The following CDH18 variants were observed in gnomAD, a reference collection of about 807,000 sequenced individuals.
CDH18 encodes the protein cadherin-18.
Under a neutral mutation model 67.9 loss-of-function variants are expected in CDH18, and 31 were observed. The observed-to-expected ratio is 0.46, with a 90% CI of 0.34 to 0.62. CDH18 has a LOEUF of 0.62. CDH18 is among the 20% of genes least tolerant of loss of function. CDH18 has a pLI of 0.01. For missense variants in CDH18, 890 were observed against 975.5 expected, an observed-to-expected ratio of 0.91 and a Z score of 1.17; for synonymous variants, 362 against 347.2, an observed-to-expected ratio of 1.04 and a Z score of -0.48.
chr5:19,638,771 T>G (rs1463907344), intron 5 of CDH18, among the ~76,000 whole-genome samples: 1 of 151,882 alleles, frequency 6.6e-6, no homozygotes, highest in Non-Finnish European at 1.5e-5. Context: ...ACTAATTATA[T>G]TAAAAGGATA....
At chr5:19,975,871 T>C (rs1798447967) in intron 2 of CDH18, among the ~76,000 whole-genome samples, 1 of 142,386 alleles carries the variant, frequency 7.0e-6, no homozygotes, top group African/African-American at 2.4e-5. Context: ...AGGATGCTAA[T>C]ACCAAATTTA....
intron 2 of CDH18, among the ~76,000 whole-genome samples, chr5:20,160,898 T>C (rs1366534426): frequency 6.6e-6 from 1 of 152,354 alleles, no homozygotes; most frequent in East Asian, 1.9e-4. Context: ...TGTTCGTATT[T>C]TTAAATGGTT....
chr5:20,216,017 T>C (rs140590791), intron 2 of CDH18, among the ~76,000 whole-genome samples: 3 of 152,050 alleles, frequency 2.0e-5, no homozygotes, highest in African/African-American at 7.2e-5. Flanking sequence ...GAAAGATAAC[T>C]AATGGGTAAT....
At chr5:19,632,479 C>T (rs1287538264) in intron 5 of CDH18, among the ~76,000 whole-genome samples, 6 of 152,242 alleles carry the variant, frequency 3.9e-5, no homozygotes, top group South Asian at 2.1e-4. Context: ...TAATTCTTTC[C>T]GGGTTTCTTC....
At chr5:20,567,364 C>T (rs1758575003) in intron 1 of CDH18, among the ~76,000 whole-genome samples, 1 of 152,086 alleles carries the variant, frequency 6.6e-6, no homozygotes, top group Non-Finnish European at 1.5e-5. Flanking sequence ...AAACAAATGA[C>T]TTTGAAATAT....
chr5:19,789,105 AATG>A (rs1287938670), intron 3 of CDH18, among the ~76,000 whole-genome samples: 1 of 152,116 alleles, frequency 6.6e-6, no homozygotes, highest in Non-Finnish European at 1.5e-5. Flanking sequence ...GTAAAGTTGA[AATG>A]ATGATTGTTC....
chr5:20,054,076 C>T (rs1052321863), intron 2 of CDH18, among the ~76,000 whole-genome samples: 1 of 152,088 alleles, frequency 6.6e-6, no homozygotes, highest in African/African-American at 2.4e-5. Context: ...GTATTAGGGG[C>T]TGTTTTTCTA....
intron 1 of CDH18, among the ~76,000 whole-genome samples, chr5:20,367,697 G>C (rs1471761064): frequency 6.6e-6 from 1 of 152,220 alleles, no homozygotes; most frequent in African/African-American, 2.4e-5. Flanking sequence ...ACAAGAACAT[G>C]TGGTAAATTT....
At chr5:20,403,699 A>G (rs561322773) in intron 1 of CDH18, among the ~76,000 whole-genome samples, 1 of 152,350 alleles carries the variant, frequency 6.6e-6, no homozygotes, top group East Asian at 1.9e-4. Flanking sequence ...TTCCATTTAT[A>G]GAACACAGGC....
chr5:20,308,523 A>T (rs1047013722), intron 1 of CDH18, among the ~76,000 whole-genome samples: 3 of 149,870 alleles, frequency 2.0e-5, no homozygotes, highest in Non-Finnish European at 4.4e-5. Context: ...AGCCTGGCCA[A>T]CAGGGCGAGA....
At chr5:20,403,255 G>A (rs1178377872) in intron 1 of CDH18, among the ~76,000 whole-genome samples, 1 of 152,116 alleles carries the variant, frequency 6.6e-6, no homozygotes, top group Non-Finnish European at 1.5e-5. Flanking sequence ...CACTATCTTT[G>A]GTAGCTATAG....
chr5:19,961,127 G>T (rs187904741), intron 2 of CDH18, among the ~76,000 whole-genome samples: 3 of 142,092 alleles, frequency 2.1e-5, no homozygotes, highest in African/African-American at 7.8e-5. Context: ...TTTTGAGATG[G>T]AGTCTCATTC....
intron 7 of CDH18, among the ~76,000 whole-genome samples, chr5:19,579,314 T>C (rs906326099): frequency 6.6e-6 from 1 of 152,002 alleles, no homozygotes; most frequent in African/African-American, 2.4e-5. Context: ...GTTCCTTCTT[T>C]TTATGATTTC....
intron 1 of CDH18, among the ~76,000 whole-genome samples, chr5:20,428,430 A>G (rs951500397): frequency 1.3e-5 from 2 of 152,196 alleles, no homozygotes; most frequent in Non-Finnish European, 1.5e-5. Context: ...TTTATAGTAG[A>G]ATGATTTATA....
chr5:20,018,932 C>T (rs908434521), intron 2 of CDH18, among the ~76,000 whole-genome samples: 1 of 150,026 alleles, frequency 6.7e-6, no homozygotes, highest in Admixed American at 6.6e-5. Flanking sequence ...GTAGCTGGGA[C>T]TACAGGCGCG....
chr5:20,332,748 T>G (rs572579163), intron 1 of CDH18, among the ~76,000 whole-genome samples: 1 of 152,286 alleles, frequency 6.6e-6, no homozygotes, highest in Non-Finnish European at 1.5e-5. Flanking sequence ...TCATAAAAAC[T>G]TATAAAAACA....
intron 1 of CDH18, among the ~76,000 whole-genome samples, chr5:20,283,753 A>G (rs1166406329): frequency 7.2e-5 from 11 of 152,076 alleles, no homozygotes; most frequent in African/African-American, 2.7e-4. Context: ...ACTACTAGGT[A>G]TATACCCAAA....
rs1304894359 is a variant in CDH18, at chr5:20,420,074, C to T, written c.-580+155388G>A. Among the ~76,000 whole-genome samples, 4 of 151,130 alleles carry T rather than the reference C, an allele frequency of 2.6e-5. 1 individual carries two copies. The highest frequency in any genetic ancestry group is 9.9e-5 in the African/African-American group (4 of 40,430). ...GAGTAATGCTGAACATTCACCACCA[C>T]AGCAGATTATGTGAGCCTGGAGACT... is the stretch of plus-strand genomic sequence containing the variant. On this transcript the variant is annotated intron_variant, in intron 1 of 14. Transcript: ENST00000507958.
chr5:20,560,468 TACAC>T (rs547246325), intron 1 of CDH18, among the ~76,000 whole-genome samples: 5,628 of 127,610 alleles, frequency 0.044, 141 homozygotes, highest in African/African-American at 0.065. Flanking sequence ...CCAACACTCA[TACAC>T]ACACACACAC....
Sources: gnomAD v4.1 joint callset for allele counts (sites outside exome capture counted in the v4.1 genomes callset) on GRCh38, gnomAD v4.1.1 for gene constraint, MANE v1.5 for transcripts, NCBI Gene and HGNC (gene_info 2026-07-23, HGNC 2026-07-21) for gene names.